ESPNL: variants seen among roughly 807,000 people sequenced by gnomAD.
The protein encoded by ESPNL is espin like, also known as espin-like protein.
ESPNL carries 49 observed loss-of-function variants against 46.8 expected under a neutral mutation model. The observed-to-expected ratio is 1.05, with a 90% CI of 0.83 to 1.33. The LOEUF (loss-of-function observed/expected upper bound fraction) is 1.33. ESPNL is among the 40% of genes most tolerant of loss of function. The pLI is 0.00. For missense variants in ESPNL, 1,540 were observed against 1,436.6 expected (o/e 1.07, Z -1.16); for synonymous variants, 664 against 662.1 (o/e 1.00, Z -0.04).
rs1692349884 is a variant in ESPNL, at chr2:238,131,846, G to C, written c.*114G>C. ...GGTGAGCCGGGCAAGGCTGCCTCCA[G>C]TCCTACCAGTTATCGGAGGCTGCGG... On this transcript the variant is annotated 3_prime_UTR_variant, in exon 9 of 9. Transcript: ENST00000343063. The C allele has an allele frequency of 3.4e-6, 4 of 1,161,064 alleles. No individual in the cohort carries two copies. The highest frequency in any genetic ancestry group is 4.9e-6 in the Non-Finnish European group (4 of 813,440). The allele number at this position is 1,161,064 out of a possible 1,614,324, so 71.9% of individuals were successfully genotyped here.
chr2:238,122,857 G>A (rs905667498), intron 5 of ESPNL, among the ~76,000 whole-genome samples: 2 of 152,224 alleles, frequency 1.3e-5, no homozygotes, highest in African/African-American at 2.4e-5. Context: ...CACCTCTGTC[G>A]GTGACACCAC....
At chr2:238,118,850 G>GGTGGATGGAAGAGA (rs1691899257) in intron 5 of ESPNL, among the ~76,000 whole-genome samples, 1 of 125,896 alleles carries the variant, frequency 7.9e-6, no homozygotes, top group Non-Finnish European at 1.7e-5. Context: ...GAAGGAAGAG[G>GGTGGATGGAAGAGA]GTGGATGGAA....
intron 5 of ESPNL, among the ~76,000 whole-genome samples, chr2:238,118,435 G>A (rs1462420039): frequency 8.1e-6 from 1 of 123,632 alleles, no homozygotes; most frequent in East Asian, 3.1e-4. Flanking sequence ...GAGGAGGAAT[G>A]GATGGAAGAG....
intron 1 of ESPNL, 21 bp from the exon 2 acceptor site, chr2:238,101,920 G>T: frequency 6.3e-7 from 1 of 1,592,194 alleles, no homozygotes; most frequent in South Asian, 1.1e-5. Flanking sequence ...CCCACTCACT[G>T]ACCTACCCGG....
At position 238,107,823 on chromosome 2, in the gene ESPNL, G is replaced by A. The variant is rs1161397244; in HGVS notation, c.705G>A (p.Arg235=). 6.2e-7 allele frequency: 1 copy of A among 1,604,178 alleles called. No homozygotes were observed. Among genetic ancestry groups the A allele is most frequent in the Non-Finnish European group, 8.5e-7 (1 of 1,175,708 alleles). The change falls in exon 4 of 9, where the codon CGG becomes CGA. Residue 235 remains arginine (R), a synonymous_variant. Coordinates refer to ENST00000343063, the MANE Select transcript of ESPNL (RefSeq NM_194312.4). ...VTFTDIGLTA[R]DNEGATALHF... Reference sequence around the variant, plus strand: ...TCACCGACATCGGACTCACGGCACGGGACAATGAGGGGGCCACGGCCCTGC... The same window carrying A: ...TCACCGACATCGGACTCACGGCACGAGACAATGAGGGGGCCACGGCCCTGC...
intron 8 of ESPNL, chr2:238,129,313 AGG>A: frequency 1.0e-6 from 1 of 996,562 alleles, no homozygotes; most frequent in Non-Finnish European, 1.2e-6. Flanking sequence ...ATGGGTGCTT[AGG>A]GGGCCCCCTC....
chr2:238,110,317 C>T (rs868354613), intron 4 of ESPNL, among the ~76,000 whole-genome samples: 6 of 532 alleles, frequency 0.011, no homozygotes, highest in South Asian at 0.25. Context: ...ATTTAGGGTG[C>T]CATATGTTAC....
In ESPNL at chr2:238,118,436, GATGGAAGAGGTGGATGGAGGAGAGTGA is replaced by G. The variant is rs1287666353; in HGVS notation, c.987+1408_987+1434del. On this transcript the variant is annotated intron_variant, in intron 5 of 8. Coordinates refer to ENST00000343063, the MANE Select transcript of ESPNL (RefSeq NM_194312.4). ...GAGGAGGGTGGATGGAGGAGGAATGGATGGAAGAGGTGGATGGAGGAGAGTGAATGGAGGAGGTGGATGGAAAAGAGT... is the reference window on the plus strand; with the variant it reads ...GAGGAGGGTGGATGGAGGAGGAATGGATGGAGGAGGTGGATGGAAAAGAGT... Among the ~76,000 whole-genome samples the G allele has an allele frequency of 8.7e-5, 10 of 114,888 alleles. 2 individuals are homozygous for G. The highest frequency in any genetic ancestry group is 3.2e-4 in the Admixed American group (4 of 12,498). The allele number at this position is 114,888 out of a possible 152,430, so 75.4% of individuals were successfully genotyped here. A position where few individuals can be genotyped will look rare whatever the true frequency, so the allele number is the denominator to read the frequency against.
At position 238,100,440 on chromosome 2, in the gene ESPNL, C is replaced by A. The variant is rs550917127; in HGVS notation, c.21C>A (p.Leu7=). ...AGAGGATGGAGAAGCAGCGGGCACT[C>A]GTGGCCGCCAAGGATGGGGATGTGG... The part of the protein sequence containing the change: MEKQRA[L]VAAKDGDVAT... Residue 7 remains leucine (L), a synonymous_variant, in exon 1 of 9, where the codon CTC becomes CTA. Coordinates refer to ENST00000343063, the MANE Select transcript of ESPNL (RefSeq NM_194312.4). 6 of 1,602,802 alleles carry A rather than the reference C, an allele frequency of 3.7e-6. No homozygotes were observed. In the East Asian group the frequency reaches 1.4e-4, roughly 36 times the overall value.
intron 5 of ESPNL, among the ~76,000 whole-genome samples, chr2:238,124,556 C>T (rs1237674876): frequency 6.6e-6 from 1 of 151,248 alleles, no homozygotes; most frequent in Non-Finnish European, 1.5e-5. Flanking sequence ...AGTGTACGTG[C>T]GTGTGTGCAG....
Position 238,130,137 on chromosome 2 carries a change from G to C in ESPNL, c.1423G>C (p.Gly475Arg). ...CCCTTCCTGTGCCCAGGACAATGGTGGGAGCTCAGGCCCCACGGAGCAGGC... is the reference window on the plus strand; with the variant it reads ...CCCTTCCTGTGCCCAGGACAATGGTCGGAGCTCAGGCCCCACGGAGCAGGC... ...ESSAEAQDNG[G>R]SSGPTEQAAW... Residue 475 changes from glycine (G) to arginine (R), a missense_variant, in exon 9 of 9, where the codon GGG becomes CGG. Physicochemically the swap from Gly to Arg is moderately radical, Grantham distance 125 (BLOSUM62 -2). Coordinates refer to ENST00000343063, the MANE Select transcript of ESPNL (RefSeq NM_194312.4). 5 of 1,609,778 alleles carry C rather than the reference G, an allele frequency of 3.1e-6. No homozygotes were observed. The highest frequency in any genetic ancestry group is 4.2e-6 in the Non-Finnish European group (5 of 1,177,708).
intron 3 of ESPNL, among the ~76,000 whole-genome samples, chr2:238,106,512 C>G (rs1219051421): frequency 6.6e-6 from 1 of 152,228 alleles, no homozygotes; most frequent in South Asian, 2.1e-4. Context: ...CTCCCCACCC[C>G]GGGGCTGCCT....
chr2:238,117,580 G>T (rs539728906), intron 5 of ESPNL, among the ~76,000 whole-genome samples: 1 of 152,252 alleles, frequency 6.6e-6, no homozygotes, highest in Non-Finnish European at 1.5e-5. Flanking sequence ...GCAGCAGCCG[G>T]AAGGCAGCAG....
chr2:238,119,753 C>A (rs1559264192), intron 5 of ESPNL, among the ~76,000 whole-genome samples: 1 of 152,066 alleles, frequency 6.6e-6, no homozygotes, highest in Non-Finnish European at 1.5e-5. Context: ...GGACTGAGGA[C>A]TGGAAGGTGT....
At chr2:238,129,922 G>A (rs563507330) in intron 8 of ESPNL, among the ~76,000 whole-genome samples, 52 of 152,258 alleles carry the variant, frequency 3.4e-4, no homozygotes, top group Non-Finnish European at 5.7e-4. Context: ...AGCCGTAGGG[G>A]CTGAAAGCCA....
Position 238,130,477 on chromosome 2 carries a change from C to T in ESPNL, c.1763C>T (p.Pro588Leu). The T allele has an allele frequency of 6.3e-7, 1 of 1,599,444 alleles. No homozygotes were observed. The highest frequency in any genetic ancestry group is 2.3e-5 in the East Asian group (1 of 44,324). The change falls in exon 9 of 9, where the codon CCC (proline) becomes CTC (leucine). Residue 588 changes from proline (P) to leucine (L), a missense_variant. Transcript: ENST00000343063. Reference sequence around the variant, plus strand: ...TCAGAGGTGGCCCCCGGGGTGCAGCCCCTGCCCTTCTGGTGCAGCCACATC... The same window carrying T: ...TCAGAGGTGGCCCCCGGGGTGCAGCTCCTGCCCTTCTGGTGCAGCCACATC... ...EASEVAPGVQ[P>L]LPFWCSHISR...
intron 4 of ESPNL, among the ~76,000 whole-genome samples, chr2:238,116,442 G>A (rs1421096863): frequency 6.6e-6 from 1 of 152,234 alleles, no homozygotes; most frequent in Admixed American, 6.5e-5. Flanking sequence ...ACCTCATTGG[G>A]CCAGGAGGAT....
At position 238,131,024 on chromosome 2, in the gene ESPNL, C is replaced by T. The variant is rs1692313057; in HGVS notation, c.2310C>T (p.His770=). 12 of 1,540,054 alleles carry T rather than the reference C, an allele frequency of 7.8e-6. No individual in the cohort carries two copies. The highest frequency in any genetic ancestry group is 4.9e-5 in the East Asian group (2 of 40,782). Residue 770 remains histidine, a synonymous_variant, in exon 9 of 9, where the codon CAC becomes CAT. Transcript: ENST00000343063. Reference sequence around the variant, plus strand: ...CCTGCAGGACCCTAGGAGCCCGCCACGCGGGGTTGCGGGGCCAGGAGGCCG... The same window carrying T: ...CCTGCAGGACCCTAGGAGCCCGCCATGCGGGGTTGCGGGGCCAGGAGGCCG... ...TVACRTLGAR[H]AGLRGQEAAR...
chr2:238,128,989 C>T (rs1222024635), intron 8 of ESPNL, 85 bp downstream of exon 8: 20 of 1,475,278 alleles, frequency 1.4e-5, no homozygotes, highest in Middle Eastern at 4.9e-4. Flanking sequence ...CGCCCGAAGC[C>T]CAGAACTGAA....
Sources: gnomAD v4.1 joint callset for allele counts (sites outside exome capture counted in the v4.1 genomes callset) on GRCh38, gnomAD v4.1.1 for gene constraint, MANE v1.5 for transcripts, NCBI Gene and HGNC (gene_info 2026-07-23, HGNC 2026-07-21) for gene names.